AP2A2: variants seen among roughly 807,000 people sequenced by gnomAD.
The protein encoded by AP2A2 is adaptor related protein complex 2 subunit alpha 2.
A neutral mutation model predicts 104.2 loss-of-function variants in AP2A2; 32 were observed. The observed-to-expected ratio is 0.31, with a 90% confidence interval of 0.23 to 0.41. AP2A2 has a LOEUF of 0.41. Among genes scored for constraint, AP2A2 ranks in the 10% least tolerant of loss-of-function variants. The probability of loss-of-function intolerance (pLI) is 1.00; values close to 1 mark genes in which losing one functional copy is unlikely to be tolerated. For synonymous variants in AP2A2, 539 were observed against 533.3 expected (o/e 1.01, Z -0.15); for missense variants, 912 against 1,261.0 (o/e 0.72, Z 4.19).
intron 4 of AP2A2, among the ~76,000 whole-genome samples, chr11:976,445 T>G (rs1298815798): frequency 6.6e-6 from 1 of 152,104 alleles, no homozygotes; most frequent in East Asian, 1.9e-4. Flanking sequence ...CAGCTGTGCC[T>G]CCACAGCGTC....
chr11:999,970 A>AT (rs777390060), intron 14 of AP2A2, among the ~76,000 whole-genome samples: 1 of 151,116 alleles, frequency 6.6e-6, no homozygotes, highest in Non-Finnish European at 1.5e-5. Flanking sequence ...CGCCCGGCTA[A>AT]TTTTTTTTGT....
rs770352763 is a variant in AP2A2, at chr11:977,101, T to C, written c.480T>C (p.Thr160=). 2 of 1,613,676 alleles carry C rather than the reference T, an allele frequency of 1.2e-6. No individual in the cohort carries two copies. The highest frequency in any genetic ancestry group is 2.2e-5 in the South Asian group (2 of 91,056). ...EIPKVLVAGD[T]MDSVKQSAAL... Reference sequence around the variant, plus strand: ...CTTGACGTCTGTCTTTCAGAGACACTATGGACAGCGTGAAGCAGAGCGCGG... The same window carrying C: ...CTTGACGTCTGTCTTTCAGAGACACCATGGACAGCGTGAAGCAGAGCGCGG... The change falls in exon 5 of 22, where the codon ACT becomes ACC. Residue 160 remains threonine (T), a synonymous_variant. Coordinates refer to ENST00000448903, the MANE Select transcript of AP2A2 (RefSeq NM_012305.4).
At chr11:990,417 C>T (rs1451420781) in intron 10 of AP2A2, among the ~76,000 whole-genome samples, 6 of 152,136 alleles carry the variant, frequency 3.9e-5, no homozygotes, top group Admixed American at 2.0e-4. Context: ...GCTCTGGGGA[C>T]GGCCGTCACG....
intron 1 of AP2A2, among the ~76,000 whole-genome samples, chr11:930,209 C>T (rs1385796968): frequency 1.3e-5 from 2 of 150,846 alleles, no homozygotes; most frequent in East Asian, 2.0e-4. Context: ...TCTGTTTTCA[C>T]TTCAAGTAAC....
intron 1 of AP2A2, among the ~76,000 whole-genome samples, chr11:955,292 G>C (rs1854198991): frequency 6.6e-6 from 1 of 152,250 alleles, no homozygotes; most frequent in Non-Finnish European, 1.5e-5. Context: ...GCTGCCTGCA[G>C]GCTTTGTGTG....
chr11:991,471 C>T (rs535895640), intron 10 of AP2A2, among the ~76,000 whole-genome samples: 13 of 151,932 alleles, frequency 8.6e-5, no homozygotes, highest in South Asian at 4.1e-4. Context: ...ACTGGGAGGG[C>T]AGAGCATCCG....
Position 964,808 on chromosome 11 carries a change from A to AGG in AP2A2, c.136+5303_136+5304insGG, listed in dbSNP as rs1854560236. Among the ~76,000 whole-genome samples the AGG allele has an allele frequency of 4.8e-5, 4 of 84,172 alleles. 2 individuals carry two copies. Among genetic ancestry groups the AGG allele is most frequent in the Non-Finnish European group, 1.1e-4 (4 of 35,784 alleles). The allele number at this position is 84,172 out of a possible 152,430, so 55.2% of individuals were successfully genotyped here. A position where few individuals can be genotyped will look rare whatever the true frequency, so the allele number is the denominator to read the frequency against. ...AATAATCCCAGATGGAAGCGTGGAA[A>AGG]TGGAAAGCATGGAACGGGCAGGAAA... On this transcript the variant is annotated intron_variant, in intron 2 of 21. Coordinates refer to ENST00000448903, the MANE Select transcript of AP2A2 (RefSeq NM_012305.4).
Position 993,020 on chromosome 11 carries a change from A to G in AP2A2, c.1453-264A>G, listed in dbSNP as rs1454263892. 6.6e-6 allele frequency among the ~76,000 whole-genome samples: 1 copy of G among 152,140 alleles called. No homozygotes were observed. The highest frequency in any genetic ancestry group is 1.5e-5 in the Non-Finnish European group (1 of 68,026). ...CACCGGCAAGGGGTGTGCCATGAGGACGCTGGCAGAACCTCCCCAGCCAGA... is the reference window on the plus strand; with the variant it reads ...CACCGGCAAGGGGTGTGCCATGAGGGCGCTGGCAGAACCTCCCCAGCCAGA... On this transcript the variant is annotated intron_variant, in intron 11 of 21. Coordinates refer to ENST00000448903, the MANE Select transcript of AP2A2 (RefSeq NM_012305.4). This position sits in a 1 kb window ranked among gnomAD's most constrained non-coding sequence, Gnocchi z 8.2.
intron 1 of AP2A2, among the ~76,000 whole-genome samples, chr11:936,711 G>T (rs72850137): frequency 2.0e-5 from 3 of 152,072 alleles, no homozygotes; most frequent in African/African-American, 7.2e-5. Context: ...GATGCTTGAC[G>T]TTGTGAATTT....
intron 21 of AP2A2, 28 bp from the exon 22 acceptor site, chr11:1,010,520 C>A: frequency 6.4e-7 from 1 of 1,560,496 alleles, no homozygotes; most frequent in East Asian, 2.4e-5. Flanking sequence ...TCGGCGTGCC[C>A]GTTGACCTGC....
chr11:931,932 T>C (rs1293581880), intron 1 of AP2A2, among the ~76,000 whole-genome samples: 1 of 151,716 alleles, frequency 6.6e-6, no homozygotes, highest in Non-Finnish European at 1.5e-5. Context: ...GCCTCCTGAG[T>C]AGCTGGGGCT....
chr11:977,155 G>A lies in AP2A2; in HGVS notation c.534G>A (p.Thr178=), dbSNP rs757988092. The A allele has an allele frequency of 3.1e-6, 5 of 1,613,488 alleles. No individual in the cohort carries two copies. The highest frequency in any genetic ancestry group is 1.7e-5 in the Admixed American group (1 of 59,960). ...TGTGCTTGCTGCGCCTGTACAGGAC[G>A]TCCCCCGATCTTGTCCCCATGGGCG... ...AALCLLRLYR[T]SPDLVPMGDW... is the part of the protein sequence containing the mutation. The change falls in exon 5 of 22, where the codon ACG becomes ACA. Residue 178 remains threonine, a synonymous_variant. Transcript: ENST00000448903.
At chr11:929,102 A>G (rs1190859978) in intron 1 of AP2A2, among the ~76,000 whole-genome samples, 1 of 152,190 alleles carries the variant, frequency 6.6e-6, no homozygotes, top group Non-Finnish European at 1.5e-5. Context: ...CAAATAATTA[A>G]TGTATATACG....
rs551162253 is a variant in AP2A2 at position 986,955 on chromosome 11, C to T, written c.1131+2C>T. ...GAGACGGTCATCAACGCCCTGAAGGCGAGTGCCCTGTCCTTGGGTTCTGCT... is the reference window on the plus strand; with the variant it reads ...GAGACGGTCATCAACGCCCTGAAGGTGAGTGCCCTGTCCTTGGGTTCTGCT... On this transcript the variant is annotated splice_donor_variant, in intron 9 of 21. Transcript: ENST00000448903. LOFTEE classifies it low-confidence loss of function (GC_TO_GT_DONOR). The T allele has an allele frequency of 1.1e-4, 170 of 1,573,684 alleles. 1 individual carries two copies. The South Asian group carries it at 1.7e-3, about 16-fold the overall frequency.
In AP2A2 at chr11:1,008,995, G is replaced by T. The variant is rs1255960438; in HGVS notation, c.2421-105G>T. 19 of 904,970 alleles carry T rather than the reference G, an allele frequency of 2.1e-5. No homozygotes were observed. The Admixed American group carries it at 2.6e-4, about 12-fold the overall frequency. The allele number at this position is 904,970 out of a possible 1,614,324, so 56.1% of individuals were successfully genotyped here. A position where few individuals can be genotyped will look rare whatever the true frequency, so the allele number is the denominator to read the frequency against. On this transcript the variant is annotated intron_variant, in intron 18 of 21. Transcript: ENST00000448903. Reference sequence around the variant, plus strand: ...CTCGGCCCCCCGACCCGCTCTGGTGGGTGGCAGTAGATCGGGACGCTTCTC... The same window carrying T: ...CTCGGCCCCCCGACCCGCTCTGGTGTGTGGCAGTAGATCGGGACGCTTCTC...
In AP2A2 at chr11:929,531, T is replaced by C. The variant is rs563816626; in HGVS notation, c.67+3443T>C. ...AAGGGGCGGATTTTGAGCTGAAATA[T>C]CGTTAAAGCCTGTTTCAGCTCCAAA... On this transcript the variant is annotated intron_variant, in intron 1 of 21. Transcript: ENST00000448903. Among the ~76,000 whole-genome samples the C allele has an allele frequency of 6.6e-5, 10 of 152,364 alleles. No homozygotes were observed. The South Asian group carries it at 2.1e-3, about 32-fold the overall frequency.
At chr11:970,784 G>A (rs925265538) in intron 3 of AP2A2, among the ~76,000 whole-genome samples, 11 of 152,210 alleles carry the variant, frequency 7.2e-5, no homozygotes, top group East Asian at 3.9e-4. Context: ...GACCCGTCCC[G>A]TGGTCCCTTG....
chr11:959,390 T>G, intron 1 of AP2A2, 47 bp from the exon 2 acceptor site: 7 of 1,287,710 alleles, frequency 5.4e-6, no homozygotes, highest in Non-Finnish European at 7.8e-6. Flanking sequence ...ATGGTGTTTC[T>G]TTAGAAATCA....
At chr11:1,008,435 C>T (rs926462829) in intron 18 of AP2A2, 17 of 343,406 alleles carry the variant, frequency 5.0e-5, no homozygotes, top group Non-Finnish European at 7.9e-5. Flanking sequence ...AGGGCCCCCG[C>T]GCCACCTGCC....
Sources: allele counts gnomAD v4.1 joint callset (sites outside exome capture counted in the v4.1 genomes callset), GRCh38; gene constraint gnomAD v4.1.1; non-coding constraint Gnocchi (gnomAD v3.1); transcripts MANE v1.5; gene names NCBI Gene and HGNC (gene_info 2026-07-23, HGNC 2026-07-21).